Variants in ARAP2 observed in about 807,000 individuals in gnomAD.
ARAP2 encodes the protein arf-GAP with Rho-GAP domain, ANK repeat and PH domain-containing protein 2.
Under a neutral mutation model 194.5 loss-of-function variants are expected in ARAP2, and 148 were observed. The observed-to-expected ratio is 0.76, with a 90% CI of 0.67 to 0.87. ARAP2 has a LOEUF of 0.87. ARAP2 is among the 40% of genes least tolerant of loss of function. The pLI is 0.00. For synonymous variants in ARAP2, 695 were observed against 683.5 expected (o/e 1.02, Z -0.26); for missense variants, 2,128 against 1,989.7 (o/e 1.07, Z -1.32).
At chr4:36,156,372 A>AGG (rs1263741908) in intron 15 of ARAP2, among the ~76,000 whole-genome samples, 1 of 26,142 alleles carries the variant, frequency 3.8e-5, no homozygotes, top group African/African-American at 1.7e-4. Context: ...GGAGGGAGGG[A>AGG]GGGGGAAAGA....
chr4:36,160,097 CT>C (rs797001809), intron 13 of ARAP2: 64 of 983,610 alleles, frequency 6.5e-5, no homozygotes, highest in East Asian at 1.1e-4. Flanking sequence ...TGTTAGAATC[CT>C]TTTTTTTTCT....
chr4:36,005,658 C>T (rs1713134994), intron 10 of ARAP2: 1 of 152,112 alleles, frequency 6.6e-6, no homozygotes, highest in South Asian at 2.1e-4. Context: ...AAACTGACCA[C>T]AATTTTGCCT....
At chr4:36,072,542 A>G (rs903821696) in intron 32 of ARAP2, among the ~76,000 whole-genome samples, 12 of 151,870 alleles carry the variant, frequency 7.9e-5, no homozygotes, top group African/African-American at 2.9e-4. Context: ...ATCTCTCCCT[A>G]TGTTAGTTTC....
At chr4:36,077,877 C>A (rs1017739055) in intron 31 of ARAP2, among the ~76,000 whole-genome samples, 1 of 152,098 alleles carries the variant, frequency 6.6e-6, no homozygotes, top group African/African-American at 2.4e-5. Context: ...ACCCTGCTGG[C>A]CCCATTCCTG....
intron 1 of ARAP2, among the ~76,000 whole-genome samples, chr4:36,238,758 G>T (rs1280267770): frequency 6.6e-6 from 1 of 152,152 alleles, no homozygotes; most frequent in Non-Finnish European, 1.5e-5. Context: ...GCTATATAAA[G>T]CAATGGTAAT....
chr4:36,213,189 G>T, intron 4 of ARAP2, 54 bp downstream of exon 4: 1 of 1,265,914 alleles, frequency 7.9e-7, no homozygotes, highest in Non-Finnish European at 1.1e-6. Flanking sequence ...GGTACAAATA[G>T]GCAGAAAAGC....
At chr4:36,143,421 T>G (rs1214436024) in intron 19 of ARAP2, among the ~76,000 whole-genome samples, 2 of 151,742 alleles carry the variant, frequency 1.3e-5, no homozygotes, top group Non-Finnish European at 2.9e-5. Context: ...CTGAGAAAGA[T>G]CTCTACAAAG....
chr4:36,032,596 T>C (rs1295414046), intron 5 of ARAP2, among the ~76,000 whole-genome samples: 1 of 152,196 alleles, frequency 6.6e-6, no homozygotes, highest in Non-Finnish European at 1.5e-5. Context: ...AACTGTTCAA[T>C]TTATTTTAAG....
At chr4:36,210,860 G>T in intron 5 of ARAP2, 117 bp from the exon 6 acceptor site, 1 of 770,874 alleles carries the variant, frequency 1.3e-6, no homozygotes, top group Non-Finnish European at 2.0e-6. Context: ...GAAAATCCTA[G>T]AGTTTCCATT....
chr4:36,160,488 C>T lies in ARAP2; in HGVS notation c.2413G>A (p.Ala805Thr). ...KEGKFRKTLL[A>T]SLTKEELNKA... ...TTTAATTCTTCTTTGGTGAGAGATG[C>T]CAAAAGAGTTTTTCTGAATTTTCCT... Residue 805 changes from alanine (A) to threonine (T), a missense_variant, in exon 13 of 33, where the codon GCA becomes ACA. Transcript: ENST00000303965. 3.2e-6 allele frequency: 5 copies of T among 1,562,712 alleles called. No individual in the cohort carries two copies. The highest frequency in any genetic ancestry group is 2.4e-5 in the East Asian group (1 of 42,132).
upstream of ARAP2, chr4:36,244,607 C>T (rs1316953638): frequency 6.6e-6 from 1 of 151,676 alleles, no homozygotes; most frequent in East Asian, 2.0e-4. Flanking sequence ...GGTTCCGCAG[C>T]ATAGTTGGGT....
intron 5 of ARAP2, among the ~76,000 whole-genome samples, chr4:36,036,602 C>T (rs1421236261): frequency 6.6e-6 from 1 of 151,818 alleles, no homozygotes; most frequent in Non-Finnish European, 1.5e-5. Flanking sequence ...ATCTCTATAC[C>T]ACAGTAAGTA....
chr4:36,055,706 G>A (rs1723388240), intron 2 of ARAP2, among the ~76,000 whole-genome samples: 1 of 152,024 alleles, frequency 6.6e-6, no homozygotes, highest in South Asian at 2.1e-4. Flanking sequence ...TGGGATTACA[G>A]GCATGTACCA....
chr4:36,124,321 A>C (rs562426824), intron 22 of ARAP2, among the ~76,000 whole-genome samples: 119 of 151,918 alleles, frequency 7.8e-4, no homozygotes, highest in African/African-American at 2.8e-3. Flanking sequence ...TTAAAAAAAA[A>C]ACTAGTTTTG....
intron 10 of ARAP2, chr4:36,006,635 T>A (rs1049633196): frequency 6.6e-6 from 1 of 152,148 alleles, no homozygotes; most frequent in East Asian, 1.9e-4. Flanking sequence ...TTATTTGCCT[T>A]TGCAACAGAA....
At chr4:36,128,885 A>G in intron 20 of ARAP2, 140 bp from the exon 21 acceptor site, 1 of 693,956 alleles carries the variant, frequency 1.4e-6, no homozygotes, top group Non-Finnish European at 2.4e-6. Flanking sequence ...AACATGCATG[A>G]GCAGGAAAGG....
chr4:36,228,458 G>T lies in ARAP2; in HGVS notation c.905+124C>A, dbSNP rs1214832789. The T allele has an allele frequency of 3.0e-6, 3 of 998,788 alleles. No homozygotes were observed. In the Admixed American group the frequency reaches 8.8e-5, roughly 29 times the overall value. 61.9% of individuals were successfully genotyped at this position (998,788 alleles called of 1,614,324 possible). ...TGAAGACTTTTTTTTTAAAAGAAAA[G>T]GTTGGTTGAATAGGTAAATGAATAC... On this transcript the variant is annotated intron_variant, in intron 2 of 32. Coordinates refer to ENST00000303965, the MANE Select transcript of ARAP2 (RefSeq NM_015230.4).
At chr4:36,014,268 A>C (rs999616150) in intron 8 of ARAP2, among the ~76,000 whole-genome samples, 2 of 146,862 alleles carry the variant, frequency 1.4e-5, no homozygotes, top group African/African-American at 5.2e-5. Context: ...AAAGAAAGAA[A>C]GAAAGAAAGA....
At chr4:36,144,615 C>T (rs964875833) in intron 19 of ARAP2, among the ~76,000 whole-genome samples, 36 of 151,834 alleles carry the variant, frequency 2.4e-4, no homozygotes, top group Non-Finnish European at 3.8e-4. Flanking sequence ...GCAATATGCT[C>T]GCTGTATAAA....
Sources: gnomAD v4.1 joint callset for allele counts (sites outside exome capture counted in the v4.1 genomes callset) on GRCh38, gnomAD v4.1.1 for gene constraint, MANE v1.5 for transcripts, NCBI Gene and HGNC (gene_info 2026-07-23, HGNC 2026-07-21) for gene names.